UGGT2: variants seen among roughly 807,000 people sequenced by gnomAD.
UGGT2 encodes UDP-glucose:glycoprotein glucosyltransferase 2.
A neutral mutation model predicts 192.1 loss-of-function variants in UGGT2; 180 were observed. That is an observed-to-expected ratio of 0.94 (90% CI 0.83 to 1.06). UGGT2 has a LOEUF of 1.06. Ranked by LOEUF, UGGT2 falls within the 50% of genes least tolerant of loss-of-function variation. The probability of loss-of-function intolerance (pLI) is 0.00; values close to 1 mark genes in which losing one functional copy is unlikely to be tolerated. For synonymous variants in UGGT2, 580 were observed against 591.0 expected (o/e 0.98, Z 0.27); for missense variants, 1,849 against 1,795.7 (o/e 1.03, Z -0.54).
intron 26 of UGGT2, among the ~76,000 whole-genome samples, chr13:95,887,050 A>G (rs1316218139): frequency 1.3e-5 from 2 of 152,120 alleles, no homozygotes; most frequent in East Asian, 3.8e-4. Flanking sequence ...CCTGTCTCCA[A>G]AAAAAATAAA....
At chr13:95,946,395 G>A (rs764079424) in intron 15 of UGGT2, among the ~76,000 whole-genome samples, 5 of 152,174 alleles carry the variant, frequency 3.3e-5, no homozygotes, top group Non-Finnish European at 7.3e-5. Flanking sequence ...CCATGAGACA[G>A]GCTCTCTCCA....
intron 17 of UGGT2, among the ~76,000 whole-genome samples, chr13:95,930,884 T>C (rs941697125): frequency 1.3e-5 from 2 of 152,144 alleles, no homozygotes; most frequent in African/African-American, 4.8e-5. Flanking sequence ...TGCAGACTTT[T>C]ATGGTGAGTG....
rs1217185848 is a variant in UGGT2, at chr13:95,981,463, C to CA, written c.1092+2340dup. On this transcript the variant is annotated intron_variant, in intron 10 of 38. Coordinates refer to ENST00000376747, the MANE Select transcript of UGGT2 (RefSeq NM_020121.4). ...TGGGCGACAGAGCGAGACTCCGTCT[C>CA]AAAAAAAAAAAAAAAAAAAAAAAAA... Among the ~76,000 whole-genome samples, 34 of 140,772 alleles carry CA rather than the reference C, an allele frequency of 2.4e-4. 14 individuals carry two copies. The highest frequency in any genetic ancestry group is 1.0e-3 in the African/African-American group (34 of 33,538). 92.4% of individuals were successfully genotyped at this position (140,772 alleles called of 152,430 possible).
chr13:95,835,340 T>TA (rs1887167311), intron 37 of UGGT2, among the ~76,000 whole-genome samples: 1 of 152,164 alleles, frequency 6.6e-6, no homozygotes, highest in South Asian at 2.1e-4. Flanking sequence ...GGGGGTTTGT[T>TA]ATGGTAGCTC....
intron 12 of UGGT2, among the ~76,000 whole-genome samples, chr13:95,965,585 T>A (rs1273959235): frequency 5.7e-5 from 6 of 104,836 alleles, no homozygotes; most frequent in Admixed American, 1.2e-4. Context: ...CACTCTGGGG[T>A]CTGTTGTGGG....
intron 38 of UGGT2, among the ~76,000 whole-genome samples, chr13:95,817,509 G>C (rs1298005045): frequency 6.6e-6 from 1 of 152,116 alleles, no homozygotes; most frequent in African/African-American, 2.4e-5. Flanking sequence ...CTTGAGCCCA[G>C]GAGTTTGAGG....
At chr13:95,914,237 A>G (rs1470137218) in intron 20 of UGGT2, among the ~76,000 whole-genome samples, 2 of 151,494 alleles carry the variant, frequency 1.3e-5, no homozygotes, top group Non-Finnish European at 2.9e-5. Context: ...CCTAGAACTT[A>G]AAGTATAATA....
chr13:95,869,912 T>G (rs1461904652), intron 29 of UGGT2, among the ~76,000 whole-genome samples: 1 of 152,124 alleles, frequency 6.6e-6, no homozygotes, highest in Admixed American at 6.5e-5. Flanking sequence ...GAAAGCATGA[T>G]TAATTAAAAA....
chr13:96,040,176 G>C (rs914015706), intron 1 of UGGT2, among the ~76,000 whole-genome samples: 4 of 152,176 alleles, frequency 2.6e-5, no homozygotes, highest in African/African-American at 9.7e-5. Context: ...TCCTAGATCT[G>C]TTTAACAAAT....
intron 1 of UGGT2, among the ~76,000 whole-genome samples, chr13:96,044,957 A>C (rs2053265487): frequency 6.6e-6 from 1 of 152,184 alleles, no homozygotes; most frequent in Non-Finnish European, 1.5e-5. Context: ...CTATTCCACG[A>C]GACAGAAAGA....
At chr13:96,015,292 A>AG (rs1239504713) in intron 4 of UGGT2, among the ~76,000 whole-genome samples, 1 of 148,526 alleles carries the variant, frequency 6.7e-6, no homozygotes, top group Non-Finnish European at 1.5e-5. Context: ...AAAAAAAAAA[A>AG]GAAAGAAAAC....
In UGGT2 at chr13:95,927,201, G is replaced by C. The variant is rs531688603; in HGVS notation, c.2101+12C>G. On this transcript the variant is annotated intron_variant, in intron 18 of 38. Transcript: ENST00000376747. ...CAATAAACATTTGTAGAACAGTATA[G>C]GATTATTTTACCTGATGTAGATATT... 3 of 1,611,444 alleles carry C rather than the reference G, an allele frequency of 1.9e-6. No individual in the cohort carries two copies. The African/African-American group carries it at 4.0e-5, about 22-fold the overall frequency.
intron 12 of UGGT2, among the ~76,000 whole-genome samples, chr13:95,950,416 G>C (rs997010546): frequency 6.6e-6 from 1 of 151,924 alleles, no homozygotes; most frequent in African/African-American, 2.4e-5. Context: ...CACAAAAATA[G>C]TAGAGCCTTC....
At chr13:95,977,694 A>C (rs2050981736) in intron 10 of UGGT2, among the ~76,000 whole-genome samples, 1 of 152,236 alleles carries the variant, frequency 6.6e-6, no homozygotes, top group Non-Finnish European at 1.5e-5. Context: ...ATTAGTGGGT[A>C]TATACCCAAA....
At chr13:95,926,778 T>C (rs1037849356) in intron 19 of UGGT2, among the ~76,000 whole-genome samples, 8 of 152,156 alleles carry the variant, frequency 5.3e-5, no homozygotes, top group South Asian at 2.1e-4. Flanking sequence ...ACTGAAAAGA[T>C]TTTATTCTTT....
intron 1 of UGGT2, among the ~76,000 whole-genome samples, chr13:96,045,843 A>C (rs958858047): frequency 1.3e-5 from 2 of 152,186 alleles, no homozygotes; most frequent in African/African-American, 2.4e-5. Flanking sequence ...TAGACGACAC[A>C]AACAAATGGA....
chr13:96,003,967 A>C (rs1484777230), intron 5 of UGGT2, among the ~76,000 whole-genome samples: 1 of 152,218 alleles, frequency 6.6e-6, no homozygotes, highest in African/African-American at 2.4e-5. Context: ...AGATTCCTCT[A>C]ACAAATTTCT....
chr13:95,947,135 C>T lies in UGGT2; in HGVS notation c.1579G>A (p.Val527Ile). 6.2e-7 allele frequency: 1 copy of T among 1,610,752 alleles called. No homozygotes were observed. Among genetic ancestry groups the T allele is most frequent in the Non-Finnish European group, 8.5e-7 (1 of 1,179,082 alleles). Residue 527 changes from valine (V) to isoleucine (I), a missense_variant, in exon 15 of 39, where the codon GTT becomes ATT. Coordinates refer to ENST00000376747, the MANE Select transcript of UGGT2 (RefSeq NM_020121.4). ...ACTCCAGCATCATTTGCTCCATCAA[C>T]TTCATCATCTGTATTAAGAATGAAC... The part of the protein sequence containing the change: ...FVFILNTDDE[V>I]DGANDAGVAL...
intron 20 of UGGT2, among the ~76,000 whole-genome samples, chr13:95,922,222 G>A (rs1305478033): frequency 1.1e-4 from 16 of 152,312 alleles, no homozygotes; most frequent in Admixed American, 9.8e-4. Context: ...CAAATGCTGC[G>A]TGTTCTCACT....
Sources: allele counts gnomAD v4.1 joint callset (sites outside exome capture counted in the v4.1 genomes callset), GRCh38; gene constraint gnomAD v4.1.1; transcripts MANE v1.5; gene names NCBI Gene and HGNC (gene_info 2026-07-23, HGNC 2026-07-21).